RAB38: variants seen among roughly 807,000 people sequenced by gnomAD.
The protein encoded by RAB38 is RAB38, member RAS oncogene family, also known as ras-related protein Rab-38.
In RAB38, 15 loss-of-function variants were observed where a neutral mutation model predicts 18.4. The ratio of observed to expected loss-of-function variants is 0.82; its 90% CI spans 0.55 to 1.26. The LOEUF is 1.26. Ranked by LOEUF, RAB38 falls within the 50% of genes most tolerant of loss-of-function variation. The probability of loss-of-function intolerance (pLI) is 0.00; values close to 1 mark genes in which losing one functional copy is unlikely to be tolerated. For synonymous variants in RAB38, 101 were observed against 104.4 expected (o/e 0.97, Z 0.20); for missense variants, 294 against 267.4 (o/e 1.10, Z -0.69).
the RAB38 span, among the ~76,000 whole-genome samples, chr11:88,084,711 G>A: frequency 1.3e-5 from 2 of 151,258 alleles, no homozygotes; most frequent in African/African-American, 4.9e-5. Context: ...TTCCTTCTTT[G>A]ATAGTAGCAT....
the RAB38 span, among the ~76,000 whole-genome samples, chr11:87,864,584 A>C: frequency 6.6e-6 from 1 of 151,634 alleles, no homozygotes; most frequent in Non-Finnish European, 1.5e-5. Flanking sequence ...TTTGACAGCA[A>C]ATGTAATATT....
At chr11:88,145,759 T>C (rs1158442182) in intron 2 of RAB38, among the ~76,000 whole-genome samples, 1 of 152,182 alleles carries the variant, frequency 6.6e-6, no homozygotes, top group East Asian at 1.9e-4. Flanking sequence ...GTAAAATAAG[T>C]TGAGCTCATG....
chr11:87,805,388 T>C, the RAB38 span, among the ~76,000 whole-genome samples: 2 of 150,946 alleles, frequency 1.3e-5, no homozygotes, highest in African/African-American at 4.9e-5. Flanking sequence ...TTAGAAGATA[T>C]TATCTATGTC....
chr11:88,047,168 C>T, the RAB38 span, among the ~76,000 whole-genome samples: 1 of 152,180 alleles, frequency 6.6e-6, no homozygotes. Context: ...ATACTTTCTG[C>T]TCCCCCGGCT....
chr11:88,114,232 T>C (rs1942517573), intron 2 of RAB38, 92 bp from the exon 3 acceptor site: 1 of 1,375,196 alleles, frequency 7.3e-7, no homozygotes, highest in South Asian at 1.3e-5. Flanking sequence ...ATTTAAATAT[T>C]CCTTCCTATA....
the RAB38 span, among the ~76,000 whole-genome samples, chr11:88,090,294 T>C: frequency 1.3e-5 from 2 of 152,018 alleles, no homozygotes; most frequent in Non-Finnish European, 2.9e-5. Context: ...CAAATTCGAA[T>C]GTGCTTCAGT....
the RAB38 span, among the ~76,000 whole-genome samples, chr11:88,021,563 AATTTATTTATTTATTTATTTATTTATTT>A: frequency 7.0e-6 from 1 of 141,846 alleles, no homozygotes; most frequent in Non-Finnish European, 1.5e-5. Context: ...AGAGAAAGAT[AATTTATTTATTTATTTATTTATTTATTT>A]ATTTATTTAT....
chr11:88,096,249 A>G, the RAB38 span, among the ~76,000 whole-genome samples: 3 of 151,730 alleles, frequency 2.0e-5, no homozygotes, highest in Admixed American at 6.6e-5. Flanking sequence ...TGACCTCTTT[A>G]CAGTTCCTTG....
the RAB38 span, among the ~76,000 whole-genome samples, chr11:87,903,665 C>T: frequency 1.3e-5 from 2 of 150,590 alleles, no homozygotes; most frequent in African/African-American, 4.9e-5. Context: ...TGTTAGCATT[C>T]TCCAGTGAAT....
At chr11:88,028,259 T>G in the RAB38 span, among the ~76,000 whole-genome samples, 2 of 151,806 alleles carry the variant, frequency 1.3e-5, no homozygotes, top group Non-Finnish European at 2.9e-5. Flanking sequence ...CAAAAGTAGA[T>G]AAAACCACAA....
the RAB38 span, among the ~76,000 whole-genome samples, chr11:87,964,011 C>A: frequency 1.3e-5 from 2 of 152,116 alleles, no homozygotes; most frequent in African/African-American, 4.8e-5. Flanking sequence ...AAGGGAAAAA[C>A]ACACAAAAAT....
the RAB38 span, among the ~76,000 whole-genome samples, chr11:87,938,754 A>G: frequency 2.0e-5 from 3 of 149,694 alleles, no homozygotes; most frequent in Non-Finnish European, 4.4e-5. Flanking sequence ...GGGTTCTTCA[A>G]CTCCAAGGCA....
At chr11:88,030,194 C>T in the RAB38 span, among the ~76,000 whole-genome samples, 5 of 152,248 alleles carry the variant, frequency 3.3e-5, no homozygotes, top group African/African-American at 1.2e-4. Flanking sequence ...GAAAAAGACA[C>T]AATGTACCAA....
chr11:87,891,918 A>T, the RAB38 span, among the ~76,000 whole-genome samples: 2 of 151,810 alleles, frequency 1.3e-5, no homozygotes, highest in African/African-American at 4.8e-5. Context: ...CCCTGTGTAC[A>T]CAACTGAATG....
chr11:87,888,695 A>G, the RAB38 span, among the ~76,000 whole-genome samples: 1 of 151,946 alleles, frequency 6.6e-6, no homozygotes, highest in Non-Finnish European at 1.5e-5. Context: ...GAAACATGCA[A>G]GAAACCAGGT....
the RAB38 span, among the ~76,000 whole-genome samples, chr11:87,805,790 C>T: frequency 1.3e-4 from 20 of 151,968 alleles, 1 homozygote; most frequent in South Asian, 3.7e-3. Context: ...TATACACATG[C>T]AGGTTGGAAA....
the RAB38 span, among the ~76,000 whole-genome samples, chr11:87,857,012 G>A: frequency 0.26 from 38,177 of 148,000 alleles, 6,223 homozygotes; most frequent in African/African-American, 0.47. Context: ...ATCCCTCCCC[G>A]CTCCCCCCAC....
At chr11:88,144,212 A>G (rs953154118) in intron 2 of RAB38, among the ~76,000 whole-genome samples, 9 of 152,230 alleles carry the variant, frequency 5.9e-5, no homozygotes, top group African/African-American at 1.9e-4. Flanking sequence ...GTCCCTAAGT[A>G]TAACGAGCTC....
intron 1 of RAB38, among the ~76,000 whole-genome samples, chr11:88,169,508 G>GT (rs1416699644): frequency 6.6e-6 from 1 of 152,192 alleles, no homozygotes; most frequent in Non-Finnish European, 1.5e-5. Context: ...AGATGGAATT[G>GT]TAAGCCTGAG....
Sources: gnomAD v4.1 joint callset for allele counts (sites outside exome capture counted in the v4.1 genomes callset) on GRCh38, gnomAD v4.1.1 for gene constraint, MANE v1.5 for transcripts, NCBI Gene and HGNC (gene_info 2026-07-23, HGNC 2026-07-21) for gene names.